ADAMTS19: variants seen among roughly 807,000 people sequenced by gnomAD.
The protein encoded by ADAMTS19 is ADAM metallopeptidase with thrombospondin type 1 motif 19, also known as A disintegrin and metalloproteinase with thrombospondin motifs 19.
In ADAMTS19, 93 loss-of-function variants were observed where a neutral mutation model predicts 153.3. The observed-to-expected ratio is 0.61, with a 90% CI of 0.51 to 0.72. ADAMTS19 has a LOEUF of 0.72. ADAMTS19 is among the 30% of genes least tolerant of loss of function. The pLI, the probability that ADAMTS19 is intolerant of heterozygous loss-of-function variation, is 0.00. For synonymous variants in ADAMTS19, 600 were observed against 556.6 expected (o/e 1.08, Z -1.10); for missense variants, 1,482 against 1,552.1 (o/e 0.95, Z 0.76).
At chr5:129,559,306 A>G (rs1753419615) in intron 7 of ADAMTS19, among the ~76,000 whole-genome samples, 1 of 152,104 alleles carries the variant, frequency 6.6e-6, no homozygotes, top group African/African-American at 2.4e-5. Context: ...TCAGTAAGTA[A>G]GAAACAAACA....
intron 2 of ADAMTS19, among the ~76,000 whole-genome samples, chr5:129,474,176 T>C (rs922877970): frequency 4.7e-4 from 71 of 152,284 alleles, no homozygotes; most frequent in African/African-American, 1.7e-3. Context: ...TCTGTCCTCA[T>C]TCACTTAGCA....
intron 3 of ADAMTS19, among the ~76,000 whole-genome samples, chr5:129,514,145 A>T (rs10478883): frequency 0.026 from 1,460 of 56,076 alleles, 24 homozygotes; most frequent in African/African-American, 0.19. Context: ...GCTGAATAAT[A>T]TTTCATTTGT....
intron 7 of ADAMTS19, among the ~76,000 whole-genome samples, chr5:129,593,195 C>G (rs544154807): frequency 6.6e-6 from 1 of 152,136 alleles, no homozygotes; most frequent in Non-Finnish European, 1.5e-5. Context: ...AAACCCAAAT[C>G]TCTCTGATCC....
rs376985406 is a variant in ADAMTS19 at position 129,631,507 on chromosome 5, C to T, written c.1770+9159C>T. On this transcript the variant is annotated intron_variant, in intron 10 of 22. Coordinates refer to ENST00000274487, the MANE Select transcript of ADAMTS19 (RefSeq NM_133638.6). ...TTATGTCAGATTTTGATTCATACCT[C>T]GTAAGGCTTTATTGCAAGACACTAA... is the stretch of plus-strand genomic sequence containing the variant. Among the ~76,000 whole-genome samples, 89 of 152,014 alleles carry T rather than the reference C, an allele frequency of 5.9e-4. 2 individuals carry two copies. In the South Asian group the frequency reaches 0.017, roughly 29 times the overall value.
chr5:129,498,697 G>A (rs1347877159), intron 2 of ADAMTS19, among the ~76,000 whole-genome samples: 1 of 151,478 alleles, frequency 6.6e-6, no homozygotes, highest in Non-Finnish European at 1.5e-5. Flanking sequence ...ATTTAAGTTC[G>A]TTTTCATATG....
intron 7 of ADAMTS19, among the ~76,000 whole-genome samples, chr5:129,565,431 A>C (rs954490909): frequency 6.6e-6 from 1 of 152,140 alleles, no homozygotes; most frequent in Non-Finnish European, 1.5e-5. Context: ...GAAATGTGCT[A>C]CTGTATCCAT....
At chr5:129,676,274 C>T (rs146822165) in intron 16 of ADAMTS19, among the ~76,000 whole-genome samples, 8 of 152,256 alleles carry the variant, frequency 5.3e-5, no homozygotes, top group Non-Finnish European at 1.2e-4. Context: ...GGACAGTTAA[C>T]TTACTTGCAG....
At chr5:129,640,540 C>T (rs1384837208) in intron 10 of ADAMTS19, among the ~76,000 whole-genome samples, 1 of 152,110 alleles carries the variant, frequency 6.6e-6, no homozygotes, top group Non-Finnish European at 1.5e-5. Context: ...AACCTATTAT[C>T]TTATCAATCT....
intron 7 of ADAMTS19, among the ~76,000 whole-genome samples, chr5:129,593,837 T>C (rs962712429): frequency 2.0e-5 from 3 of 152,170 alleles, no homozygotes; most frequent in Admixed American, 6.5e-5. Context: ...TTCTGACTCA[T>C]TACATTAAGC....
At chr5:129,695,723 A>G (rs985286710) in intron 19 of ADAMTS19, among the ~76,000 whole-genome samples, 4 of 152,176 alleles carry the variant, frequency 2.6e-5, no homozygotes, top group African/African-American at 9.7e-5. Context: ...GGTGACAGAA[A>G]GAGTGAGGCT....
At chr5:129,654,217 C>A (rs1016728240) in intron 13 of ADAMTS19, 89 bp from the exon 14 acceptor site, 1 of 1,234,692 alleles carries the variant, frequency 8.1e-7, no homozygotes, top group Non-Finnish European at 1.1e-6. Context: ...ATATTTTTTA[C>A]TCAATAACGA....
chr5:129,587,379 C>G (rs933510167), intron 7 of ADAMTS19, among the ~76,000 whole-genome samples: 5 of 151,560 alleles, frequency 3.3e-5, no homozygotes, highest in African/African-American at 1.2e-4. Context: ...TATTTGGTCA[C>G]TCCTTGGTGA....
intron 18 of ADAMTS19, 44 bp downstream of exon 18, chr5:129,684,317 T>C: frequency 6.2e-7 from 1 of 1,601,808 alleles, no homozygotes; most frequent in Non-Finnish European, 8.5e-7. Flanking sequence ...CATCAGTTGT[T>C]TTCTGATTAA....
intron 16 of ADAMTS19, among the ~76,000 whole-genome samples, chr5:129,674,586 A>G (rs967332247): frequency 6.6e-6 from 1 of 152,056 alleles, no homozygotes; most frequent in Admixed American, 6.6e-5. Flanking sequence ...ATTGTCTAGC[A>G]TTTACAGTAT....
chr5:129,527,901 G>C (rs1050198134), intron 5 of ADAMTS19, 70 bp downstream of exon 5: 1 of 993,520 alleles, frequency 1.0e-6, no homozygotes, highest in Non-Finnish European at 1.6e-6. Flanking sequence ...TTTAAGTAAA[G>C]GGAATGTTAA....
At chr5:129,460,569 G>A in intron 1 of ADAMTS19, 87 bp downstream of exon 1, 3 of 1,455,662 alleles carry the variant, frequency 2.1e-6, no homozygotes, top group Non-Finnish European at 2.9e-6. Flanking sequence ...TGGTGCAACC[G>A]GTGCGTGGAG....
intron 7 of ADAMTS19, among the ~76,000 whole-genome samples, chr5:129,594,686 T>G (rs1750292132): frequency 6.6e-6 from 1 of 152,156 alleles, no homozygotes; most frequent in South Asian, 2.1e-4. Flanking sequence ...TTAGCTCTCT[T>G]AAAATTCATG....
chr5:129,725,954 C>T (rs764423531), intron 21 of ADAMTS19, among the ~76,000 whole-genome samples: 5 of 152,150 alleles, frequency 3.3e-5, no homozygotes, highest in East Asian at 3.9e-4. Context: ...AATATCACTA[C>T]GGCAATGGAA....
chr5:129,473,435 G>T (rs1290827090), intron 2 of ADAMTS19, among the ~76,000 whole-genome samples: 4 of 152,026 alleles, frequency 2.6e-5, no homozygotes, highest in Non-Finnish European at 5.9e-5. Flanking sequence ...CATATCTAGG[G>T]TGTTTGTGTT....
Sources: gnomAD v4.1 joint callset for allele counts (sites outside exome capture counted in the v4.1 genomes callset) on GRCh38, gnomAD v4.1.1 for gene constraint, MANE v1.5 for transcripts, NCBI Gene and HGNC (gene_info 2026-07-23, HGNC 2026-07-21) for gene names.